The following CDH13 variants were observed in gnomAD, a reference collection of about 807,000 sequenced individuals.
CDH13 encodes cadherin 13, also known as cadherin-13.
A neutral mutation model predicts 63.8 loss-of-function variants in CDH13; 24 were observed. The observed-to-expected ratio is 0.38, with a 90% CI of 0.27 to 0.53. CDH13 has a LOEUF of 0.53. CDH13 is among the 20% of genes least tolerant of loss of function. CDH13 has a pLI of 0.85. For synonymous variants in CDH13, 503 were observed against 355.3 expected, an observed-to-expected ratio of 1.42 and a Z score of -4.67; for missense variants, 1,049 against 903.1, an observed-to-expected ratio of 1.16 and a Z score of -2.07.
At chr16:83,110,996 T>G (rs28614096) in intron 3 of CDH13, among the ~76,000 whole-genome samples, 50,399 of 94,390 alleles carry the variant, frequency 0.53, 10,517 homozygotes, top group Middle Eastern at 0.66. Flanking sequence ...ATGTATTAGG[T>G]TGTTGCAAAA....
intron 1 of CDH13, among the ~76,000 whole-genome samples, chr16:82,811,788 T>C (rs1430482957): frequency 6.6e-6 from 1 of 152,062 alleles, no homozygotes; most frequent in African/African-American, 2.4e-5. Context: ...TGTATAGACA[T>C]TGGGGTGAAG....
chr16:83,404,556 C>T (rs921339470), intron 6 of CDH13, among the ~76,000 whole-genome samples: 1 of 152,184 alleles, frequency 6.6e-6, no homozygotes, highest in Non-Finnish European at 1.5e-5. Context: ...TGAATGTATC[C>T]TTTAGTACTT....
chr16:83,472,775 C>G (rs1161186652), intron 6 of CDH13, among the ~76,000 whole-genome samples: 2 of 151,984 alleles, frequency 1.3e-5, no homozygotes, highest in Admixed American at 6.5e-5. Context: ...GCTACTGGAT[C>G]GAATCTCCTT....
intron 7 of CDH13, chr16:83,508,342 C>G (rs539550585): frequency 6.5e-6 from 1 of 154,634 alleles, no homozygotes; most frequent in Non-Finnish European, 1.5e-5. Flanking sequence ...TGCGTTGCCC[C>G]ATGGCTGCTT....
intron 1 of CDH13, among the ~76,000 whole-genome samples, chr16:82,640,135 T>G (rs1311540069): frequency 6.6e-6 from 1 of 152,208 alleles, no homozygotes; most frequent in Non-Finnish European, 1.5e-5. Flanking sequence ...GTGATAGTGC[T>G]ATAGAAAAAC....
At chr16:82,820,670 A>G (rs535685549) in intron 1 of CDH13, among the ~76,000 whole-genome samples, 2 of 152,344 alleles carry the variant, frequency 1.3e-5, no homozygotes, top group South Asian at 4.1e-4. Flanking sequence ...AATGAAAGAC[A>G]TAGACAGGGT....
chr16:83,753,618 T>A (rs1173851013), intron 11 of CDH13, among the ~76,000 whole-genome samples: 1 of 152,222 alleles, frequency 6.6e-6, no homozygotes, highest in African/African-American at 2.4e-5. Flanking sequence ...ATTAGTTTTA[T>A]AGAAATTTAA....
chr16:83,070,862 C>T (rs954131194), intron 3 of CDH13, among the ~76,000 whole-genome samples: 4 of 143,628 alleles, frequency 2.8e-5, no homozygotes, highest in Non-Finnish European at 6.2e-5. Context: ...ACAGCCCCCC[C>T]CCCCCCAAAT....
chr16:82,755,342 C>T lies in CDH13; in HGVS notation c.46-103020C>T, dbSNP rs1198745953. Among the ~76,000 whole-genome samples the T allele has an allele frequency of 3.3e-5, 5 of 152,224 alleles. No individual in the cohort carries two copies. The East Asian group carries it at 9.7e-4, about 29-fold the overall frequency. ...CCCTCTAGTTATATGGCAGTGATTG[C>T]ACTGAGGGAAAACCAGGAAATAACA... On this transcript the variant is annotated intron_variant, in intron 1 of 13. Transcript: ENST00000567109.
At chr16:82,919,988 C>T (rs553020953) in intron 2 of CDH13, among the ~76,000 whole-genome samples, 8 of 152,154 alleles carry the variant, frequency 5.3e-5, no homozygotes, top group South Asian at 2.1e-4. Flanking sequence ...AGAGTAATAT[C>T]GAGATCAAAA....
At chr16:82,712,864 C>T (rs576611667) in intron 1 of CDH13, among the ~76,000 whole-genome samples, 25 of 152,152 alleles carry the variant, frequency 1.6e-4, no homozygotes, top group Non-Finnish European at 1.0e-4. Flanking sequence ...ATTAACTCTC[C>T]GCTCTCTGGG....
chr16:83,297,178 A>G lies in CDH13; in HGVS notation c.637-47684A>G, dbSNP rs539123913. Among the ~76,000 whole-genome samples the G allele has an allele frequency of 4.6e-5, 7 of 152,290 alleles. No homozygotes were observed. In the East Asian group the frequency reaches 7.7e-4, roughly 17 times the overall value. Reference sequence around the variant, plus strand: ...TGTTCTATTGCATAATAGGGTGACTATAGTTTTCATTATTATATTGTGTAT... The same window carrying G: ...TGTTCTATTGCATAATAGGGTGACTGTAGTTTTCATTATTATATTGTGTAT... On this transcript the variant is annotated intron_variant, in intron 5 of 13. Transcript: ENST00000567109.
chr16:82,674,937 C>T (rs1913725836), intron 1 of CDH13, among the ~76,000 whole-genome samples: 1 of 152,132 alleles, frequency 6.6e-6, no homozygotes, highest in South Asian at 2.1e-4. Flanking sequence ...TGATGGATAT[C>T]AAAAAGCTAT....
intron 5 of CDH13, among the ~76,000 whole-genome samples, chr16:83,260,246 A>G (rs144444538): frequency 6.6e-6 from 1 of 152,214 alleles, no homozygotes; most frequent in Non-Finnish European, 1.5e-5. Context: ...CATGACCTAT[A>G]AATTGATTTT....
intron 8 of CDH13, among the ~76,000 whole-genome samples, chr16:83,648,506 G>C (rs534145768): frequency 6.6e-6 from 1 of 152,214 alleles, no homozygotes; most frequent in Admixed American, 6.5e-5. Flanking sequence ...AGAAGTCCCA[G>C]GCTTAGTCTG....
intron 10 of CDH13, among the ~76,000 whole-genome samples, chr16:83,741,486 G>A (rs1187450142): frequency 2.1e-4 from 5 of 24,270 alleles, no homozygotes; most frequent in Non-Finnish European, 5.1e-4. Context: ...ATATGTGTGT[G>A]TGTATATATA....
intron 8 of CDH13, among the ~76,000 whole-genome samples, chr16:83,603,603 C>T (rs2150752672): frequency 6.6e-6 from 1 of 152,242 alleles, no homozygotes; most frequent in Middle Eastern, 3.4e-3. Context: ...CTTCCAACCT[C>T]CAGGGTGTTT....
intron 7 of CDH13, among the ~76,000 whole-genome samples, chr16:83,494,996 A>T (rs1355944517): frequency 1.3e-5 from 2 of 152,116 alleles, no homozygotes; most frequent in Admixed American, 6.5e-5. Flanking sequence ...CTTTTTTTTT[A>T]AAGGGCCAAA....
intron 2 of CDH13, among the ~76,000 whole-genome samples, chr16:82,965,262 C>G (rs2151353309): frequency 6.6e-6 from 1 of 152,330 alleles, no homozygotes; most frequent in South Asian, 2.1e-4. Context: ...CCCACACGAT[C>G]TCTCCAAAGC....
Sources: allele counts gnomAD v4.1 joint callset (sites outside exome capture counted in the v4.1 genomes callset), GRCh38; gene constraint gnomAD v4.1.1; transcripts MANE v1.5; gene names NCBI Gene and HGNC (gene_info 2026-07-23, HGNC 2026-07-21).